The following TNFRSF14 variants were observed in gnomAD, a reference collection of about 807,000 sequenced individuals.
TNFRSF14 encodes TNF receptor superfamily member 14, also known as tumor necrosis factor receptor superfamily member 14.
A neutral mutation model predicts 34.1 loss-of-function variants in TNFRSF14; 18 were observed. That is an observed-to-expected ratio of 0.53 (90% CI 0.36 to 0.78). TNFRSF14 has a LOEUF of 0.78. TNFRSF14 is among the 30% of genes least tolerant of loss of function. TNFRSF14 has a pLI of 0.00. For synonymous variants in TNFRSF14, 157 were observed against 153.2 expected, an observed-to-expected ratio of 1.02 and a Z score of -0.18; for missense variants, 352 against 379.5, an observed-to-expected ratio of 0.93 and a Z score of 0.60.
chr1:2,562,568 C>T, intron 6 of TNFRSF14: 1 of 568,302 alleles, frequency 1.8e-6, no homozygotes, highest in East Asian at 3.0e-5. Context: ...CGCTTGTTCC[C>T]CTCCCATAGA....
In TNFRSF14 at chr1:2,561,581, T is replaced by A; in HGVS notation, c.552-92T>A. 2 of 1,597,666 alleles carry A rather than the reference T, an allele frequency of 1.3e-6. No individual in the cohort carries two copies. Among genetic ancestry groups the A allele is most frequent in the Non-Finnish European group, 8.5e-7 (1 of 1,172,400 alleles). On this transcript the variant is annotated intron_variant, in intron 5 of 7. Coordinates refer to ENST00000355716, the MANE Select transcript of TNFRSF14 (RefSeq NM_003820.4). The surrounding 1 kb of genome is among the most constrained non-coding windows in gnomAD (Gnocchi z 6.0). ...CTCCCTGGGACCTGTCTTCACTGCC[T>A]GGGGCCCTGGGAGCCAGGGAGGCTC...
chr1:2,559,175 A>T, intron 3 of TNFRSF14: 3 of 1,367,608 alleles, frequency 2.2e-6, no homozygotes, highest in Non-Finnish European at 1.9e-6. Flanking sequence ...AGCCATGAAC[A>T]GAAGAGGAAG....
In TNFRSF14 at chr1:2,557,818, C is replaced by T; in HGVS notation, c.162C>T (p.Cys54=). 1 of 1,610,264 alleles carries T rather than the reference C, an allele frequency of 6.2e-7. No individual in the cohort carries two copies. Among genetic ancestry groups the T allele is most frequent in the South Asian group, 1.1e-5 (1 of 90,622 alleles). ...AGTACCCAGTGGGCTCCGAGTGCTG[C>T]CCCAAGTGCAGTCCAGGTAGGTGCA... ...EDEYPVGSEC[C]PKCSPGYRVK... Residue 54 remains cysteine, a synonymous_variant, in exon 2 of 8, where the codon TGC becomes TGT. Transcript: ENST00000355716.
chr1:2,556,744 G>C lies in TNFRSF14; in HGVS notation c.69+11G>C, dbSNP rs780767381. ...GACGTCTTGAGGCTGGTGAGCCCCCGAGCCTCCTCTCCGTCTGCTCGCAGA... is the reference window on the plus strand; with the variant it reads ...GACGTCTTGAGGCTGGTGAGCCCCCCAGCCTCCTCTCCGTCTGCTCGCAGA... On this transcript the variant is annotated intron_variant, in intron 1 of 7. Transcript: ENST00000355716. 3.2e-6 allele frequency: 5 copies of C among 1,584,392 alleles called. No homozygotes were observed. The African/African-American group carries it at 6.8e-5, about 22-fold the overall frequency.
rs555197817 is a variant in TNFRSF14 at position 2,561,495 on chromosome 1, C to T, written c.552-178C>T. 3.5e-5 allele frequency: 54 copies of T among 1,528,758 alleles called. No homozygotes were observed. The Admixed American group carries it at 6.6e-4, about 19-fold the overall frequency. The allele number at this position is 1,528,758 out of a possible 1,614,324, so 94.7% of individuals were successfully genotyped here. A position where few individuals can be genotyped will look rare whatever the true frequency, so the allele number is the denominator to read the frequency against. On this transcript the variant is annotated intron_variant, in intron 5 of 7. Transcript: ENST00000355716. This position sits in a 1 kb window ranked among gnomAD's most constrained non-coding sequence, Gnocchi z 6.0. ...TTCCTTCTCTCCACCTCCCCATAGC[C>T]GAGCTTGGAAAAGTCAGACAGACCT...
chr1:2,562,611 G>C (rs974665635), intron 6 of TNFRSF14: 2 of 605,774 alleles, frequency 3.3e-6, no homozygotes, highest in African/African-American at 3.7e-5. Context: ...TATGCACTTG[G>C]GGGCCTCAGC....
Position 2,556,490 on chromosome 1 carries a change from C to A in TNFRSF14, c.-175C>A. ...GCCCCTCTCTGCTGCCAGACACCCC[C>A]TGCTGCCCACTCTCCTGCTGCTCGG... On this transcript the variant is annotated 5_prime_UTR_variant, in exon 1 of 8. The change creates a new upstream start codon in the 5' untranslated region. Coordinates refer to ENST00000355716, the MANE Select transcript of TNFRSF14 (RefSeq NM_003820.4). 2.7e-6 allele frequency: 2 copies of A among 733,814 alleles called. No homozygotes were observed. The highest frequency in any genetic ancestry group is 1.5e-5 in the South Asian group (1 of 67,408). 45.5% of individuals were successfully genotyped at this position (733,814 alleles called of 1,614,324 possible).
At chr1:2,559,065 T>C in intron 3 of TNFRSF14, 1 of 1,369,284 alleles carries the variant, frequency 7.3e-7, no homozygotes, top group Non-Finnish European at 9.6e-7. Flanking sequence ...GCATGGCCAG[T>C]GCTCCCTGCG....
intron 4 of TNFRSF14, among the ~76,000 whole-genome samples, chr1:2,560,348 G>A (rs1644289509): frequency 6.6e-6 from 1 of 152,160 alleles, no homozygotes; most frequent in Non-Finnish European, 1.5e-5. Flanking sequence ...GCCCTGGCCT[G>A]CATCTGGCCG....
In TNFRSF14 at chr1:2,561,518, C is replaced by G; in HGVS notation, c.552-155C>G. ...GCCGAGCTTGGAAAAGTCAGACAGA[C>G]CTCTGAGGTCTCATCCTGGAGCTGC... On this transcript the variant is annotated intron_variant, in intron 5 of 7. Coordinates refer to ENST00000355716, the MANE Select transcript of TNFRSF14 (RefSeq NM_003820.4). This position sits in a 1 kb window ranked among gnomAD's most constrained non-coding sequence, Gnocchi z 6.0. 2 of 1,550,242 alleles carry G rather than the reference C, an allele frequency of 1.3e-6. No homozygotes were observed. The highest frequency in any genetic ancestry group is 1.7e-6 in the Non-Finnish European group (2 of 1,146,008).
chr1:2,559,635 C>T (rs1215855594), intron 3 of TNFRSF14, 188 bp from the exon 4 acceptor site: 19 of 1,534,798 alleles, frequency 1.2e-5, no homozygotes, highest in Non-Finnish European at 1.5e-5. Flanking sequence ...GCTCTGCCGT[C>T]CCTTGGTGTC....
At chr1:2,558,996 C>G in intron 3 of TNFRSF14, 1 of 1,367,236 alleles carries the variant, frequency 7.3e-7, no homozygotes, top group Non-Finnish European at 9.6e-7. Flanking sequence ...AGTCACTGAG[C>G]GCAGAGCCTG....
intron 6 of TNFRSF14, chr1:2,562,041 C>T: frequency 1.7e-6 from 1 of 595,102 alleles, no homozygotes; most frequent in South Asian, 2.0e-5. Flanking sequence ...CCGTGGAGCC[C>T]TCAGCCACCC....
At chr1:2,557,121 A>C (rs2494614) in intron 1 of TNFRSF14, 2,795 of 268,648 alleles carry the variant, frequency 0.01, 30 homozygotes, top group East Asian at 0.036. Flanking sequence ...GACAGGTGAT[A>C]AGATCAGTGT....
In TNFRSF14 at chr1:2,561,495, C is replaced by G; in HGVS notation, c.552-178C>G. 1.3e-6 allele frequency: 2 copies of G among 1,528,760 alleles called. No individual in the cohort carries two copies. The highest frequency in any genetic ancestry group is 1.4e-5 in the African/African-American group (1 of 72,160). 94.7% of individuals were successfully genotyped at this position (1,528,760 alleles called of 1,614,324 possible). On this transcript the variant is annotated intron_variant, in intron 5 of 7. Transcript: ENST00000355716. The surrounding 1 kb of genome is among the most constrained non-coding windows in gnomAD (Gnocchi z 6.0). Reference sequence around the variant, plus strand: ...TTCCTTCTCTCCACCTCCCCATAGCCGAGCTTGGAAAAGTCAGACAGACCT... The same window carrying G: ...TTCCTTCTCTCCACCTCCCCATAGCGGAGCTTGGAAAAGTCAGACAGACCT...
In TNFRSF14 at chr1:2,560,435, G is replaced by A. The variant is rs573511593; in HGVS notation, c.461-189G>A. On this transcript the variant is annotated intron_variant, in intron 4 of 7. Transcript: ENST00000355716. ...ATGAGATCCCAGCTACTCAAGGCCGGGACAGCCAGAGCCACCACCCCAGGC... is the reference window on the plus strand; with the variant it reads ...ATGAGATCCCAGCTACTCAAGGCCGAGACAGCCAGAGCCACCACCCCAGGC... 6.8e-6 allele frequency: 4 copies of A among 584,604 alleles called. No homozygotes were observed. The East Asian group carries it at 8.5e-5, about 12-fold the overall frequency. 36.2% of individuals were successfully genotyped at this position (584,604 alleles called of 1,614,324 possible).
In TNFRSF14 at chr1:2,561,398, C is replaced by T. The variant is rs1644306115; in HGVS notation, c.552-275C>T. The T allele has an allele frequency of 6.2e-6, 8 of 1,280,540 alleles. No individual in the cohort carries two copies. In the Admixed American group the frequency reaches 1.1e-4, roughly 18 times the overall value. The allele number at this position is 1,280,540 out of a possible 1,614,324, so 79.3% of individuals were successfully genotyped here. A position where few individuals can be genotyped will look rare whatever the true frequency, so the allele number is the denominator to read the frequency against. ...GGGGTCTCTGCACTGCTGGCTGCCTCCCGCTTCTCTCCCCTCTCCCTCTGC... is the reference window on the plus strand; with the variant it reads ...GGGGTCTCTGCACTGCTGGCTGCCTTCCGCTTCTCTCCCCTCTCCCTCTGC... On this transcript the variant is annotated intron_variant, in intron 5 of 7. Transcript: ENST00000355716. This position sits in a 1 kb window ranked among gnomAD's most constrained non-coding sequence, Gnocchi z 6.0.
At chr1:2,560,829 G>T in intron 5 of TNFRSF14, 115 bp downstream of exon 5, 1 of 918,992 alleles carries the variant, frequency 1.1e-6, no homozygotes, top group Non-Finnish European at 1.7e-6. Flanking sequence ...CACCCTGAGC[G>T]GCACCCTGGT....
Position 2,563,300 on chromosome 1 carries a change from G to C in TNFRSF14, c.*27G>C. ...CCACAGACTCTGCACCCCGACGCCA[G>C]AGATACCTGGAGCGACGGCTGCTGA... On this transcript the variant is annotated 3_prime_UTR_variant, in exon 8 of 8. Transcript: ENST00000355716. 6.2e-7 allele frequency: 1 copy of C among 1,607,148 alleles called. No homozygotes were observed. The highest frequency in any genetic ancestry group is 1.1e-5 in the South Asian group (1 of 90,972).
Sources: allele counts gnomAD v4.1 joint callset (sites outside exome capture counted in the v4.1 genomes callset), GRCh38; gene constraint gnomAD v4.1.1; non-coding constraint Gnocchi (gnomAD v3.1); transcripts MANE v1.5; gene names NCBI Gene and HGNC (gene_info 2026-07-23, HGNC 2026-07-21).